The following DENND1A variants were observed in gnomAD, a reference collection of about 807,000 sequenced individuals.
The protein encoded by DENND1A is DENN domain containing 1A, also known as DENN domain-containing protein 1A.
DENND1A carries 51 observed loss-of-function variants against 113.7 expected under a neutral mutation model. The ratio of observed to expected loss-of-function variants is 0.45; its 90% CI spans 0.36 to 0.57. The LOEUF (loss-of-function observed/expected upper bound fraction) is 0.57, where lower values mean the gene tolerates loss of function less well. Among genes scored for constraint, DENND1A ranks in the 20% least tolerant of loss-of-function variants. The pLI, the probability that DENND1A is intolerant of heterozygous loss-of-function variation, is 0.00. For synonymous variants in DENND1A, 565 were observed against 570.8 expected (o/e 0.99, Z 0.14); for missense variants, 1,258 against 1,395.9 (o/e 0.90, Z 1.57).
rs1844451704 is a variant in DENND1A at position 123,857,863 on chromosome 9, T to C, written c.88+21088A>G. On this transcript the variant is annotated intron_variant, in intron 2 of 23. Coordinates refer to ENST00000394215, the MANE Select transcript of DENND1A (RefSeq NM_001352964.2). ...TCACGAGGTCAGGAGATCGAGACCA[T>C]CCTGGCTAACACAGTGAAACCCCAT... 2.0e-5 allele frequency among the ~76,000 whole-genome samples: 3 copies of C among 151,990 alleles called. No individual in the cohort carries two copies. In the South Asian group the frequency reaches 6.2e-4, roughly 32 times the overall value.
intron 2 of DENND1A, among the ~76,000 whole-genome samples, chr9:123,850,416 A>G (rs866326065): frequency 1.1e-4 from 17 of 152,266 alleles, no homozygotes; most frequent in African/African-American, 3.9e-4. Flanking sequence ...CTTTTTAAAC[A>G]TAATGCTATT....
At chr9:123,596,591 C>T (rs1054585533) in intron 11 of DENND1A, among the ~76,000 whole-genome samples, 4 of 152,264 alleles carry the variant, frequency 2.6e-5, no homozygotes, top group South Asian at 4.2e-4. Context: ...AAGCCTGGTG[C>T]CTTTCTCCTC....
intron 2 of DENND1A, among the ~76,000 whole-genome samples, chr9:123,815,644 A>G (rs972912122): frequency 6.6e-6 from 1 of 152,220 alleles, no homozygotes; most frequent in African/African-American, 2.4e-5. Flanking sequence ...GGAAGGGGTA[A>G]AAATATTAAT....
chr9:123,450,265 G>A (rs904376774), intron 18 of DENND1A, among the ~76,000 whole-genome samples: 8 of 152,156 alleles, frequency 5.3e-5, no homozygotes, highest in African/African-American at 1.7e-4. Flanking sequence ...GTGTCTGGGC[G>A]GTGGCCACGT....
At chr9:123,427,226 G>A (rs368430103) in intron 19 of DENND1A, among the ~76,000 whole-genome samples, 2 of 152,236 alleles carry the variant, frequency 1.3e-5, no homozygotes, top group Non-Finnish European at 2.9e-5. Flanking sequence ...TCAGGATTAC[G>A]TTGAACCACT....
chr9:123,634,743 T>C (rs1311971526), intron 9 of DENND1A, among the ~76,000 whole-genome samples: 1 of 152,222 alleles, frequency 6.6e-6, no homozygotes, highest in Non-Finnish European at 1.5e-5. Flanking sequence ...TCACAATGAA[T>C]ATTCATCAGA....
intron 2 of DENND1A, among the ~76,000 whole-genome samples, chr9:123,847,708 C>T (rs557485986): frequency 2.6e-4 from 40 of 152,232 alleles, no homozygotes; most frequent in South Asian, 6.2e-4. Context: ...GCCAAGGCGG[C>T]CAGATCACTT....
intron 19 of DENND1A, among the ~76,000 whole-genome samples, chr9:123,424,276 C>G (rs2045544691): frequency 6.6e-6 from 1 of 152,204 alleles, no homozygotes. Flanking sequence ...GACTGTACTT[C>G]AAGCCTCACT....
chr9:123,918,126 T>A (rs551256066), intron 1 of DENND1A, among the ~76,000 whole-genome samples: 2,349 of 144,470 alleles, frequency 0.016, 47 homozygotes, highest in African/African-American at 0.051. Flanking sequence ...AAAAAATAAA[T>A]AAATAAATAA....
chr9:123,479,300 G>A (rs995898102), intron 13 of DENND1A, among the ~76,000 whole-genome samples: 5 of 152,182 alleles, frequency 3.3e-5, no homozygotes, highest in Non-Finnish European at 7.3e-5. Flanking sequence ...TGCTCTTGAT[G>A]AGAGGAGCTA....
intron 5 of DENND1A, among the ~76,000 whole-genome samples, chr9:123,756,569 T>C (rs1188364856): frequency 2.0e-5 from 3 of 152,294 alleles, no homozygotes; most frequent in Non-Finnish European, 4.4e-5. Context: ...AGGTTACAAA[T>C]GCTATGCTTG....
chr9:123,823,604 TC>T (rs1268725519), intron 2 of DENND1A, among the ~76,000 whole-genome samples: 2 of 152,134 alleles, frequency 1.3e-5, no homozygotes, highest in African/African-American at 2.4e-5. Context: ...AGCGAAAAGA[TC>T]CCATGTGTCT....
intron 5 of DENND1A, among the ~76,000 whole-genome samples, chr9:123,746,070 A>G (rs945334203): frequency 6.6e-6 from 1 of 152,202 alleles, no homozygotes; most frequent in South Asian, 2.1e-4. Context: ...CTGAACTTCA[A>G]TGGTGATTAC....
chr9:123,744,965 AG>A (rs1377442046), intron 5 of DENND1A, among the ~76,000 whole-genome samples: 7 of 151,992 alleles, frequency 4.6e-5, no homozygotes, highest in Non-Finnish European at 8.8e-5. Flanking sequence ...TAGGAGAGAC[AG>A]GGTTTCACCA....
At chr9:123,448,088 C>T (rs1328398571) in intron 18 of DENND1A, among the ~76,000 whole-genome samples, 2 of 152,176 alleles carry the variant, frequency 1.3e-5, no homozygotes, top group Non-Finnish European at 2.9e-5. Flanking sequence ...AATGCCTTCA[C>T]CATTTGTGTC....
At chr9:123,440,108 G>T in intron 19 of DENND1A, 1 of 382,512 alleles carries the variant, frequency 2.6e-6, no homozygotes, top group South Asian at 2.8e-5. Flanking sequence ...GGAGGCAGCA[G>T]TGCATTTAAT....
intron 5 of DENND1A, among the ~76,000 whole-genome samples, chr9:123,734,707 G>C (rs1219280049): frequency 6.6e-6 from 1 of 152,190 alleles, no homozygotes; most frequent in Non-Finnish European, 1.5e-5. Flanking sequence ...GGACTGCTGT[G>C]AAGAGTGGAG....
chr9:123,404,657 GA>G (rs2043789549), intron 20 of DENND1A, among the ~76,000 whole-genome samples: 1 of 62,874 alleles, frequency 1.6e-5, no homozygotes, highest in African/African-American at 7.4e-5. Flanking sequence ...ACAGGGAAGG[GA>G]AGCAGGCACA....
intron 3 of DENND1A, among the ~76,000 whole-genome samples, chr9:123,783,651 G>T (rs1831659251): frequency 6.6e-6 from 1 of 152,156 alleles, no homozygotes; most frequent in Non-Finnish European, 1.5e-5. Flanking sequence ...GTAAACCCCT[G>T]TAAATGGCAG....
Sources: allele counts gnomAD v4.1 joint callset (sites outside exome capture counted in the v4.1 genomes callset), GRCh38; gene constraint gnomAD v4.1.1; transcripts MANE v1.5; gene names NCBI Gene and HGNC (gene_info 2026-07-23, HGNC 2026-07-21).